Variants in NCOR1 observed in about 807,000 individuals in gnomAD.
NCOR1 encodes protein phosphatase 1, regulatory subunit 109.
In NCOR1, 63 loss-of-function variants were observed where a neutral mutation model predicts 288.1. The ratio of observed to expected loss-of-function variants is 0.22; its 90% confidence interval spans 0.18 to 0.27. The LOEUF (loss-of-function observed/expected upper bound fraction) is 0.27. Among genes scored for constraint, NCOR1 ranks in the 10% least tolerant of loss-of-function variants. The pLI, the probability that NCOR1 is intolerant of heterozygous loss-of-function variation, is 1.00. For missense variants in NCOR1, 2,397 were observed against 3,019.2 expected (o/e 0.79, Z 4.83); for synonymous variants, 1,007 against 1,065.9 (o/e 0.94, Z 1.08).
intron 32 of NCOR1, 27 bp from the exon 33 acceptor site, chr17:16,065,721 C>T (rs1464868278): frequency 1.2e-6 from 2 of 1,604,950 alleles, no homozygotes; most frequent in East Asian, 4.5e-5. Context: ...AAGAAAGGCA[C>T]TGAGTTTTGT....
Position 16,193,754 on chromosome 17 carries a change from C to T in NCOR1, c.108+708G>A, listed in dbSNP as rs561057812. On this transcript the variant is annotated intron_variant, in intron 2 of 45. Coordinates refer to ENST00000268712, the MANE Select transcript of NCOR1 (RefSeq NM_006311.4). ...TGGTGAAAGACTAAATGCCTCCCTA[C>T]ACAGGAACAACGTAAGAATGTCCAT... Among the ~76,000 whole-genome samples the T allele has an allele frequency of 6.6e-5, 10 of 152,254 alleles. No homozygotes were observed. The East Asian group carries it at 1.5e-3, about 24-fold the overall frequency.
chr17:16,148,580 G>A (rs2078343986), intron 9 of NCOR1, among the ~76,000 whole-genome samples: 1 of 136,334 alleles, frequency 7.3e-6, no homozygotes, highest in Admixed American at 8.5e-5. Context: ...TATTTAGTGA[G>A]TACCAGAATT....
chr17:16,181,211 A>ATGTATGTATGTGTGTG (rs758395387), intron 3 of NCOR1, among the ~76,000 whole-genome samples: 13 of 139,498 alleles, frequency 9.3e-5, no homozygotes, highest in Non-Finnish European at 1.4e-4. Flanking sequence ...ATATATATGT[A>ATGTATGTATGTGTGTG]TGTGTGTGTG....
chr17:16,202,772 A>G (rs2091002887), intron 1 of NCOR1, among the ~76,000 whole-genome samples: 2 of 152,250 alleles, frequency 1.3e-5, no homozygotes, highest in Admixed American at 1.3e-4. Context: ...CCTTTGACCC[A>G]CTAACAGAGA....
chr17:16,146,611 T>TA (rs1258441967), intron 9 of NCOR1, 63 bp from the exon 10 acceptor site: 4 of 1,356,016 alleles, frequency 2.9e-6, no homozygotes, highest in Non-Finnish European at 3.9e-6. Flanking sequence ...ACAAACCTAA[T>TA]ACTTTAAAAT....
At chr17:16,059,476 A>G (rs1033023752) in intron 37 of NCOR1, among the ~76,000 whole-genome samples, 1 of 152,220 alleles carries the variant, frequency 6.6e-6, no homozygotes, top group Non-Finnish European at 1.5e-5. Flanking sequence ...ATATTCCCAG[A>G]AAGGGAGGAT....
intron 14 of NCOR1, among the ~76,000 whole-genome samples, chr17:16,134,091 A>G (rs1278076244): frequency 2.0e-5 from 3 of 152,200 alleles, no homozygotes; most frequent in African/African-American, 7.2e-5. Context: ...CTTTTGCTCA[A>G]AACCCCAGTG....
At chr17:16,050,145 C>G (rs953531876) in intron 40 of NCOR1, among the ~76,000 whole-genome samples, 1 of 152,084 alleles carries the variant, frequency 6.6e-6, no homozygotes, top group African/African-American at 2.4e-5. Flanking sequence ...TGACCTCAAA[C>G]TCCTGGGCTC....
At chr17:16,087,050 A>G (rs1162808689) in intron 22 of NCOR1, 5 of 689,714 alleles carry the variant, frequency 7.2e-6, no homozygotes, top group Admixed American at 3.5e-5. Context: ...AGAGAAACAA[A>G]GTCATTCTGA....
intron 10 of NCOR1, among the ~76,000 whole-genome samples, chr17:16,145,398 C>T (rs1334182905): frequency 1.3e-5 from 2 of 150,752 alleles, no homozygotes; most frequent in Non-Finnish European, 2.9e-5. Flanking sequence ...CCTGGCCGCC[C>T]AGTCTGGGAA....
intron 27 of NCOR1, 117 bp from the exon 28 acceptor site, chr17:16,073,686 C>T: frequency 1.2e-6 from 1 of 863,302 alleles, no homozygotes; most frequent in Non-Finnish European, 1.6e-6. Flanking sequence ...CTTGTCTTAA[C>T]CTACAATAAA....
intron 6 of NCOR1, among the ~76,000 whole-genome samples, chr17:16,155,026 G>T (rs1394464009): frequency 6.6e-6 from 1 of 152,076 alleles, no homozygotes; most frequent in Non-Finnish European, 1.5e-5. Context: ...TCTTTCTTCT[G>T]AAGTCACATT....
intron 9 of NCOR1, among the ~76,000 whole-genome samples, chr17:16,147,950 TGA>T (rs1405778099): frequency 1.3e-5 from 2 of 152,226 alleles, no homozygotes; most frequent in Admixed American, 1.3e-4. Context: ...CCTGAGTAGC[TGA>T]GTTTACAAGC....
chr17:16,124,481 A>G (rs540656579), intron 15 of NCOR1, among the ~76,000 whole-genome samples: 178 of 152,330 alleles, frequency 1.2e-3, no homozygotes, highest in Middle Eastern at 6.8e-3. Context: ...TAATAGTTAC[A>G]CAAGTGCATA....
chr17:16,205,236 A>G (rs1380041603), intron 1 of NCOR1, among the ~76,000 whole-genome samples: 1 of 151,662 alleles, frequency 6.6e-6, no homozygotes, highest in African/African-American at 2.4e-5. Context: ...AAAAAAAAAG[A>G]AAGAAAAAAG....
intron 42 of NCOR1, 154 bp from the exon 43 acceptor site, chr17:16,040,648 A>ATT (rs761392010): frequency 1.5e-4 from 93 of 636,006 alleles, no homozygotes; most frequent in Middle Eastern, 7.8e-4. Context: ...AAATGGAAGT[A>ATT]TTTTTTTTTT....
intron 44 of NCOR1, among the ~76,000 whole-genome samples, chr17:16,036,772 G>A (rs1330684539): frequency 6.6e-6 from 1 of 152,180 alleles, no homozygotes; most frequent in Non-Finnish European, 1.5e-5. Context: ...TTTGGCTTAA[G>A]GGAATGTTGT....
chr17:16,120,793 A>T (rs965733484), intron 16 of NCOR1, among the ~76,000 whole-genome samples: 3 of 152,202 alleles, frequency 2.0e-5, no homozygotes, highest in Non-Finnish European at 4.4e-5. Context: ...AAAAATAAAA[A>T]TGGTAATTAT....
At chr17:16,186,822 A>C in intron 2 of NCOR1, 135 bp from the exon 3 acceptor site, 1 of 736,486 alleles carries the variant, frequency 1.4e-6, no homozygotes, top group Non-Finnish European at 2.2e-6. Flanking sequence ...TCCTTCATTG[A>C]TCTAATTCTT....
Sources: allele counts gnomAD v4.1 joint callset (sites outside exome capture counted in the v4.1 genomes callset), GRCh38; gene constraint gnomAD v4.1.1; transcripts MANE v1.5; gene names NCBI Gene and HGNC (gene_info 2026-07-23, HGNC 2026-07-21).